Variants in PREX1 observed in about 807,000 individuals in gnomAD.
PREX1 encodes the protein phosphatidylinositol-3,4,5-trisphosphate dependent Rac exchange factor 1, also known as phosphatidylinositol 3,4,5-trisphosphate-dependent Rac exchanger 1 protein.
PREX1 carries 41 observed loss-of-function variants against 198.3 expected under a neutral mutation model. That is an observed-to-expected ratio of 0.21 (90% CI 0.16 to 0.27). PREX1 has a LOEUF of 0.27. Among genes scored for constraint, PREX1 ranks in the 10% least tolerant of loss-of-function variants. PREX1 has a pLI of 1.00. For synonymous variants in PREX1, 843 were observed against 887.2 expected (o/e 0.95, Z 0.89); for missense variants, 1,620 against 2,200.7 (o/e 0.74, Z 5.28).
In PREX1 at chr20:48,691,773, C is replaced by T. The variant is rs1438688681; in HGVS notation, c.1037-677G>A. On this transcript the variant is annotated intron_variant, in intron 8 of 39. Transcript: ENST00000371941. This position sits in a 1 kb window ranked among gnomAD's most constrained non-coding sequence, Gnocchi z 5.0. The stretch of plus-strand genomic sequence containing the variant: ...GATGAAGTGTGAAATGTTCACGTGA[C>T]GGAACACTCTGCAGCAATGGAAACC... Among the ~76,000 whole-genome samples, 13 of 152,172 alleles carry T rather than the reference C, an allele frequency of 8.5e-5. No homozygotes were observed. The highest frequency in any genetic ancestry group is 4.6e-4 in the Admixed American group (7 of 15,278).
At chr20:48,825,148 C>T (rs538044429) in intron 1 of PREX1, among the ~76,000 whole-genome samples, 25 of 152,252 alleles carry the variant, frequency 1.6e-4, no homozygotes, top group African/African-American at 4.8e-4. Context: ...GTTTTGAAAA[C>T]GAAAATGCCT....
intron 5 of PREX1, 64 bp from the exon 6 acceptor site, chr20:48,708,485 C>T (rs1375306665): frequency 1.9e-6 from 3 of 1,552,930 alleles, no homozygotes; most frequent in East Asian, 4.5e-5. Flanking sequence ...GAGACCCAGG[C>T]CAGAGCTGAA....
intron 1 of PREX1, among the ~76,000 whole-genome samples, chr20:48,814,571 G>A (rs1207144794): frequency 6.6e-6 from 1 of 152,144 alleles, no homozygotes; most frequent in Non-Finnish European, 1.5e-5. Context: ...AAAGAAATGT[G>A]GTGGGGCCTG....
At chr20:48,874,437 C>T in the PREX1 span, among the ~76,000 whole-genome samples, 3 of 142,958 alleles carry the variant, frequency 2.1e-5, no homozygotes, top group African/African-American at 7.8e-5. Context: ...TGGGTGGTGT[C>T]GTGTGATTTA....
chr20:48,881,829 G>A, the PREX1 span, among the ~76,000 whole-genome samples: 2 of 152,070 alleles, frequency 1.3e-5, no homozygotes, highest in Non-Finnish European at 2.9e-5. Flanking sequence ...TCTTGTAGTT[G>A]TGCAACCATC....
chr20:48,807,966 C>G (rs1010780991), intron 1 of PREX1, among the ~76,000 whole-genome samples: 6 of 152,160 alleles, frequency 3.9e-5, no homozygotes, highest in Non-Finnish European at 8.8e-5. Context: ...AAGCCCCTCC[C>G]CATCCTTGCA....
intron 1 of PREX1, among the ~76,000 whole-genome samples, chr20:48,761,674 T>A (rs1416206386): frequency 6.6e-6 from 1 of 152,158 alleles, no homozygotes; most frequent in African/African-American, 2.4e-5. Context: ...GCAGCCCCCA[T>A]CAAGGGGCTG....
At chr20:48,741,489 A>C (rs543551699) in intron 3 of PREX1, among the ~76,000 whole-genome samples, 1 of 152,108 alleles carries the variant, frequency 6.6e-6, no homozygotes, top group South Asian at 2.1e-4. Flanking sequence ...CCTCTCAAGT[A>C]CCTAGAACTA....
Position 48,708,162 on chromosome 20 carries a change from T to C in PREX1, c.783+98A>G, listed in dbSNP as rs147080180. ...AACACTGTAGGCCAAACAAAATACA[T>C]TGCAGACTGACAGGTGCCCAGGCCT... On this transcript the variant is annotated intron_variant, in intron 6 of 39. Coordinates refer to ENST00000371941, the MANE Select transcript of PREX1 (RefSeq NM_020820.4). The C allele has an allele frequency of 6.1e-4, 805 of 1,323,366 alleles. 2 individuals are homozygous for C. The highest frequency in any genetic ancestry group is 7.7e-4 in the Non-Finnish European group (744 of 960,134). 82.0% of individuals were successfully genotyped at this position (1,323,366 alleles called of 1,614,324 possible). A position where few individuals can be genotyped will look rare whatever the true frequency, so the allele number is the denominator to read the frequency against.
the PREX1 span, among the ~76,000 whole-genome samples, chr20:48,878,140 G>A: frequency 6.6e-6 from 1 of 151,890 alleles, no homozygotes; most frequent in African/African-American, 2.4e-5. Flanking sequence ...TCTTACAATA[G>A]CCCACAAGGC....
At chr20:48,835,327 G>C in the PREX1 span, among the ~76,000 whole-genome samples, 3 of 152,234 alleles carry the variant, frequency 2.0e-5, no homozygotes, top group African/African-American at 7.2e-5. Flanking sequence ...ACTGGGACTA[G>C]AATAGTGAAT....
intron 32 of PREX1, among the ~76,000 whole-genome samples, chr20:48,635,540 G>A (rs1408886046): frequency 3.3e-5 from 5 of 152,084 alleles, no homozygotes; most frequent in Non-Finnish European, 5.9e-5. Flanking sequence ...GCCACTCTTC[G>A]GGGCCTTTGT....
At chr20:48,782,233 T>C (rs2090292811) in intron 1 of PREX1, among the ~76,000 whole-genome samples, 1 of 152,194 alleles carries the variant, frequency 6.6e-6, no homozygotes, top group South Asian at 2.1e-4. Flanking sequence ...TTCCCATGTG[T>C]TGTGGGAGGG....
intron 1 of PREX1, among the ~76,000 whole-genome samples, chr20:48,748,535 C>G (rs6095280): frequency 0.071 from 10,755 of 152,142 alleles, 469 homozygotes; most frequent in South Asian, 0.18. Context: ...GGATGACCCG[C>G]ACCTGGATTT....
rs568871645 is a variant in PREX1, at chr20:48,749,734, G to C, written c.220-1854C>G. Among the ~76,000 whole-genome samples, 271 of 152,336 alleles carry C rather than the reference G, an allele frequency of 1.8e-3. 1 individual carries two copies. Among genetic ancestry groups the C allele is most frequent in the African/African-American group, 6.3e-3 (262 of 41,576 alleles). The stretch of plus-strand genomic sequence containing the variant: ...AGCTTCGTCTCTGTCCACACAGAGT[G>C]CAGAGCCATCTCAGCCAGTCTTGGG... On this transcript the variant is annotated intron_variant, in intron 1 of 39. Coordinates refer to ENST00000371941, the MANE Select transcript of PREX1 (RefSeq NM_020820.4).
chr20:48,797,707 C>T (rs1237422118), intron 1 of PREX1, among the ~76,000 whole-genome samples: 3 of 152,330 alleles, frequency 2.0e-5, no homozygotes, highest in African/African-American at 7.2e-5. Context: ...TCTGGCAAAG[C>T]GAGCTGCTCG....
At position 48,691,105 on chromosome 20, in the gene PREX1, G is replaced by C; in HGVS notation, c.1037-9C>G. The C allele has an allele frequency of 6.2e-7, 1 of 1,614,142 alleles. No individual in the cohort carries two copies. Among genetic ancestry groups the C allele is most frequent in the Non-Finnish European group, 8.5e-7 (1 of 1,180,002 alleles). ...GTTGCTATGGTAATCCGCTGGTGGG[G>C]GCAGGAGGCAAAGGTGCAGCAGAGA... is the stretch of plus-strand genomic sequence containing the variant. On this transcript the variant is annotated splice_polypyrimidine_tract_variant and intron_variant, in intron 8 of 39. Coordinates refer to ENST00000371941, the MANE Select transcript of PREX1 (RefSeq NM_020820.4). The surrounding 1 kb of genome is among the most constrained non-coding windows in gnomAD (Gnocchi z 5.0).
chr20:48,736,205 A>G (rs2090056487), intron 3 of PREX1, among the ~76,000 whole-genome samples: 1 of 152,212 alleles, frequency 6.6e-6, no homozygotes, highest in South Asian at 2.1e-4. Context: ...AAGTATTAAC[A>G]ACAAACATAA....
intron 2 of PREX1, 79 bp from the exon 3 acceptor site, chr20:48,745,226 C>T: frequency 4.7e-6 from 7 of 1,473,962 alleles, no homozygotes; most frequent in Middle Eastern, 1.8e-4. Flanking sequence ...AAATACAAAC[C>T]TCGGTGCGGG....
Sources: allele counts gnomAD v4.1 joint callset (sites outside exome capture counted in the v4.1 genomes callset), GRCh38; gene constraint gnomAD v4.1.1; non-coding constraint Gnocchi (gnomAD v3.1); transcripts MANE v1.5; gene names NCBI Gene and HGNC (gene_info 2026-07-23, HGNC 2026-07-21).